Variants in OPLAH observed in about 807,000 individuals in gnomAD.
The protein encoded by OPLAH is 5-oxoprolinase.
A neutral mutation model predicts 122.8 loss-of-function variants in OPLAH; 103 were observed. The observed-to-expected ratio is 0.84, with a 90% confidence interval of 0.71 to 0.99. OPLAH has a LOEUF of 0.99. OPLAH is among the 50% of genes least tolerant of loss of function. The pLI is 0.00. For missense variants in OPLAH, 1,902 were observed against 1,836.5 expected, an observed-to-expected ratio of 1.04 and a Z score of -0.65; for synonymous variants, 875 against 796.0, an observed-to-expected ratio of 1.10 and a Z score of -1.67.
In OPLAH at chr8:144,055,417, T is replaced by C. The variant is rs1554758756; in HGVS notation, c.2249-228A>G. Among the ~76,000 whole-genome samples the C allele has an allele frequency of 6.6e-6, 1 of 151,902 alleles. No individual in the cohort carries two copies. The highest frequency in any genetic ancestry group is 1.5e-5 in the Non-Finnish European group (1 of 67,940). ...CCTGGAGCCCCCAGCAAGAACCCAG[T>C]GCCACCCCTCGACCCTCCCACCCTG... On this transcript the variant is annotated intron_variant, in intron 16 of 26. Transcript: ENST00000618853. This position sits in a 1 kb window ranked among gnomAD's most constrained non-coding sequence, Gnocchi z 6.5.
downstream of OPLAH, chr8:144,050,580 C>T (rs1835350073): frequency 1.0e-6 from 1 of 985,536 alleles, no homozygotes; most frequent in Non-Finnish European, 1.2e-6. Flanking sequence ...CCGCTGTTTC[C>T]AGGATCCCTG....
rs1209800058 is a variant in OPLAH at position 144,058,665 on chromosome 8, C to T, written c.614G>A (p.Gly205Asp). The T allele has an allele frequency of 6.3e-6, 10 of 1,595,630 alleles. No homozygotes were observed. Among genetic ancestry groups the T allele is most frequent in the African/African-American group, 5.4e-5 (4 of 74,742 alleles). The stretch of plus-strand genomic sequence containing the variant: ...GAAGCCCAGCTCCCGGGCCAGCACA[C>T]CCACCTGCTGCTCATGCTGGGCCCA... ...YTWAQHEQQVGVLARELGFTH... is the reference protein window; with the variant it reads ...YTWAQHEQQVDVLARELGFTH... The change falls in exon 6 of 27, where the codon GGT becomes GAT. Residue 205 changes from glycine to aspartate, a missense_variant. Transcript: ENST00000618853.
chr8:144,051,295 G>GGA lies in OPLAH; in HGVS notation c.*29_*30dup. The GGA allele has an allele frequency of 1.2e-6, 2 of 1,608,802 alleles. No individual in the cohort carries two copies. Among genetic ancestry groups the GGA allele is most frequent in the Non-Finnish European group, 1.7e-6 (2 of 1,178,366 alleles). ...CGCCGTAGCTGCGTCCCCAGAACCG[G>GGA]GAGACTTAAGGCATCTTTATTGCGG... is the stretch of plus-strand genomic sequence containing the variant. On this transcript the variant is annotated 3_prime_UTR_variant, in exon 27 of 27. Transcript: ENST00000618853.
At chr8:144,052,417 G>A in intron 23 of OPLAH, 32 bp downstream of exon 23, 1 of 1,523,608 alleles carries the variant, frequency 6.6e-7, no homozygotes, top group Non-Finnish European at 8.8e-7. Flanking sequence ...CACCCAGTCC[G>A]CCCCCGAGCT....
At chr8:144,063,671 CAG>C (rs1476107452), upstream of OPLAH, 1 of 152,538 alleles carries the variant, frequency 6.6e-6, no homozygotes, top group African/African-American at 2.4e-5. This position sits in a 1 kb window ranked among gnomAD's most constrained non-coding sequence, Gnocchi z 4.2. Context: ...CCCAACTCCA[CAG>C]AGTCTTGGGG....
intron 1 of OPLAH, 44 bp downstream of exon 1, chr8:144,060,609 C>G (rs1835644594): frequency 6.6e-6 from 1 of 150,784 alleles, no homozygotes; most frequent in African/African-American, 2.5e-5. Flanking sequence ...CGGGAGGCAG[C>G]GGGGAAGGGC....
chr8:144,052,361 G>C (rs1378622486), intron 23 of OPLAH, 35 bp from the exon 24 acceptor site: 1 of 1,510,856 alleles, frequency 6.6e-7, no homozygotes, highest in African/African-American at 1.4e-5. Flanking sequence ...GCTGGGCTGG[G>C]GCAGGGCGTC....
chr8:144,056,315 C>T (rs563811770), intron 14 of OPLAH, 56 bp from the exon 15 acceptor site: 411 of 1,595,744 alleles, frequency 2.6e-4, no homozygotes, highest in Middle Eastern at 1.3e-3. Context: ...CCCGATGCCT[C>T]TCACAGGGCT....
intron 26 of OPLAH, 89 bp from the exon 27 acceptor site, chr8:144,051,561 C>A (rs1835376655): frequency 4.9e-6 from 6 of 1,217,802 alleles, no homozygotes; most frequent in Non-Finnish European, 6.7e-6. Context: ...CACCGGGCAG[C>A]GTCCATCACC....
Position 144,058,145 on chromosome 8 carries a change from G to C in OPLAH, c.953C>G (p.Thr318Arg). 6.2e-7 allele frequency: 1 copy of C among 1,612,272 alleles called. No individual in the cohort carries two copies. Among genetic ancestry groups the C allele is most frequent in the Non-Finnish European group, 8.5e-7 (1 of 1,179,712 alleles). The change falls in exon 8 of 27, where the codon ACG becomes AGG. Residue 318 changes from threonine to arginine, a missense_variant. Coordinates refer to ENST00000618853, the MANE Select transcript of OPLAH (RefSeq NM_017570.5). ...AGCATAGCGGCTCACATCCGTGGACGTGCCTGGCAGGGGTGGGGTGCTGGT... is the reference window on the plus strand; with the variant it reads ...AGCATAGCGGCTCACATCCGTGGACCTGCCTGGCAGGGGTGGGGTGCTGGT... ...QPVIGFDMGG[T>R]STDVSRYAGE...
chr8:144,052,530 C>G lies in OPLAH; in HGVS notation c.3222G>C (p.Ala1074=), dbSNP rs1296868939. The change falls in exon 23 of 27, where the codon GCG becomes GCC. Residue 1074 remains alanine, a synonymous_variant. Coordinates refer to ENST00000618853, the MANE Select transcript of OPLAH (RefSeq NM_017570.5). ...GSILDPSPEA[A]VVGGNVLTSQ... ...ACGTGAGCACGTTGCCGCCCACCAC[C>G]GCCGCCTCGGGCGACGGGTCCAGGA... The G allele has an allele frequency of 1.3e-6, 2 of 1,589,906 alleles. No individual in the cohort carries two copies. Among genetic ancestry groups the G allele is most frequent in the Non-Finnish European group, 8.5e-7 (1 of 1,174,504 alleles).
At chr8:144,054,230 G>A (rs1309613470) in intron 19 of OPLAH, among the ~76,000 whole-genome samples, 2 of 151,924 alleles carry the variant, frequency 1.3e-5, no homozygotes, top group Non-Finnish European at 2.9e-5. Flanking sequence ...CTGTTTCTCT[G>A]CGGACCCCAC....
chr8:144,059,847 T>G lies in OPLAH; in HGVS notation c.171+15A>C. 6.2e-7 allele frequency: 1 copy of G among 1,612,362 alleles called. No homozygotes were observed. Among genetic ancestry groups the G allele is most frequent in the East Asian group, 2.2e-5 (1 of 44,862 alleles). ...GGCCGTGGGGTCCCTGTCCACCCGCTCCGCCCTGGCCCACCTGCTCCAGGA... is the reference window on the plus strand; with the variant it reads ...GGCCGTGGGGTCCCTGTCCACCCGCGCCGCCCTGGCCCACCTGCTCCAGGA... On this transcript the variant is annotated intron_variant, in intron 2 of 26. Transcript: ENST00000618853.
In OPLAH at chr8:144,058,319, G is replaced by A. The variant is rs782022628; in HGVS notation, c.869C>T (p.Pro290Leu). The change falls in exon 7 of 27, where the codon CCG (proline) becomes CTG (leucine). Residue 290 changes from proline to leucine, a missense_variant. Pro to Leu is a moderately conservative substitution (Grantham distance 98). Coordinates refer to ENST00000618853, the MANE Select transcript of OPLAH (RefSeq NM_017570.5). ...FSGSSAVLSG[P>L]AGGVVGYSAT... is the part of the protein sequence containing the mutation. ...TGAGTAGCCCACCACGCCGCCGGCC[G>A]GGCCCGAGAGCACAGCACTGGAGCC... 1.8e-5 allele frequency: 29 copies of A among 1,602,540 alleles called. No individual in the cohort carries two copies. The highest frequency in any genetic ancestry group is 6.8e-5 in the East Asian group (3 of 44,358).
Position 144,057,552 on chromosome 8 carries a change from T to C in OPLAH, c.1318A>G (p.Asn440Asp), listed in dbSNP as rs200098915. 324 of 1,589,562 alleles carry C rather than the reference T, an allele frequency of 2.0e-4. No homozygotes were observed. In the African/African-American group the frequency reaches 3.9e-3, roughly 19 times the overall value. The change falls in exon 10 of 27, where the codon AAC becomes GAC. Residue 440 changes from asparagine (N) to aspartate (D), a missense_variant. Asn to Asp is a conservative substitution (Grantham distance 23). This residue lies in a region of OPLAH where 1,726 missense variants were observed against 1,642.1 expected (regional missense o/e 1.05). Coordinates refer to ENST00000618853, the MANE Select transcript of OPLAH (RefSeq NM_017570.5). ...AGCGGGGAGGCCGGGCAGGGCCCGT[T>C]GGTCAGGAAGCTGTTGACCTCAGTG... is the stretch of plus-strand genomic sequence containing the variant. ...VATEVNSFLT[N>D]GPCPASPLSL...
upstream of OPLAH, among the ~76,000 whole-genome samples, chr8:144,061,070 C>T (rs1835655049): frequency 6.6e-6 from 1 of 152,244 alleles, no homozygotes; most frequent in Non-Finnish European, 1.5e-5. Flanking sequence ...GCCTTCTCTA[C>T]CAGCCCCAGC....
At position 144,057,481 on chromosome 8, in the gene OPLAH, C is replaced by T. The variant is rs782102160; in HGVS notation, c.1389G>A (p.Glu463=). The T allele has an allele frequency of 2.2e-5, 35 of 1,594,150 alleles. No individual in the cohort carries two copies. The highest frequency in any genetic ancestry group is 2.9e-5 in the Non-Finnish European group (34 of 1,170,990). ...VAMGFVRVAN[E]AMCRPIRALT... Reference sequence around the variant, plus strand: ...GTGCACGGATGGGCCGGCACATGGCCTCGTTGGCCACGCGCACGAACCCCA... The same window carrying T: ...GTGCACGGATGGGCCGGCACATGGCTTCGTTGGCCACGCGCACGAACCCCA... Residue 463 remains glutamate (E), a synonymous_variant, in exon 10 of 27, where the codon GAG becomes GAA. Transcript: ENST00000618853.
At position 144,060,080 on chromosome 8, in the gene OPLAH, G is replaced by C. The variant is rs782136126; in HGVS notation, c.-48C>G. On this transcript the variant is annotated 5_prime_UTR_variant, in exon 2 of 27. Transcript: ENST00000618853. ...AGGAGCTCTTCAGCTGGTAGCCCTG[G>C]AAAAACTGGACGGAGGCGGGGTCAG... 3.2e-6 allele frequency: 5 copies of C among 1,578,304 alleles called. No homozygotes were observed. The South Asian group carries it at 4.6e-5, about 14-fold the overall frequency.
In OPLAH at chr8:144,056,895, G is replaced by C. The variant is rs568055379; in HGVS notation, c.1706+53C>G. The stretch of plus-strand genomic sequence containing the variant: ...AGTCATCAGGAGGAACACCCACCAA[G>C]GGCGTGGTGAGGACAACGTAAGCCC... On this transcript the variant is annotated intron_variant, in intron 12 of 26. Coordinates refer to ENST00000618853, the MANE Select transcript of OPLAH (RefSeq NM_017570.5). 8.5e-6 allele frequency: 13 copies of C among 1,526,296 alleles called. No homozygotes were observed. In the South Asian group the frequency reaches 8.6e-5, roughly 10 times the overall value. The allele number at this position is 1,526,296 out of a possible 1,614,324, so 94.5% of individuals were successfully genotyped here. A position where few individuals can be genotyped will look rare whatever the true frequency, so the allele number is the denominator to read the frequency against.
Sources: gnomAD v4.1 joint callset for allele counts (sites outside exome capture counted in the v4.1 genomes callset) on GRCh38, gnomAD v4.1.1 for gene constraint, gnomAD v4.1.1 regional missense constraint, Gnocchi (gnomAD v3.1) non-coding constraint, MANE v1.5 for transcripts, NCBI Gene and HGNC (gene_info 2026-07-23, HGNC 2026-07-21) for gene names.